Variants in KDM8 observed in about 807,000 individuals in gnomAD.
The protein encoded by KDM8 is bifunctional peptidase and arginyl-hydroxylase JMJD5.
Under a neutral mutation model 46.9 loss-of-function variants are expected in KDM8, and 35 were observed. The ratio of observed to expected loss-of-function variants is 0.75; its 90% confidence interval spans 0.57 to 0.99. KDM8 has a LOEUF of 0.99. KDM8 is among the 50% of genes least tolerant of loss of function. KDM8 has a pLI of 0.00. For missense variants in KDM8, 475 were observed against 537.0 expected (o/e 0.88, Z 1.14); for synonymous variants, 232 against 227.7 (o/e 1.02, Z -0.17).
Position 27,208,698 on chromosome 16 carries a change from G to T in KDM8, c.-31-1395G>T, listed in dbSNP as rs1197097311. Among the ~76,000 whole-genome samples the T allele has an allele frequency of 2.0e-5, 3 of 152,200 alleles. No individual in the cohort carries two copies. The East Asian group carries it at 5.8e-4, about 29-fold the overall frequency. ...AAGCCACACACGGGATGAGCCAGGA[G>T]GCCACCCAGGGAGGCCAGGGATGGG... On this transcript the variant is annotated intron_variant, in intron 1 of 7. Coordinates refer to ENST00000286096, the MANE Select transcript of KDM8 (RefSeq NM_024773.3).
intron 2 of KDM8, chr16:27,211,069 G>A (rs142095780): frequency 0.012 from 5,450 of 448,630 alleles, 58 homozygotes; most frequent in Middle Eastern, 0.018. Flanking sequence ...GTGAGCCACC[G>A]TGCTCAGCCC....
intron 6 of KDM8, among the ~76,000 whole-genome samples, chr16:27,219,741 A>G (rs1310125145): frequency 6.6e-6 from 1 of 152,212 alleles, no homozygotes; most frequent in East Asian, 1.9e-4. Context: ...TGGGCAGCTC[A>G]TTTAATCTCT....
chr16:27,205,992 T>G (rs2083424952), intron 1 of KDM8, among the ~76,000 whole-genome samples: 1 of 152,242 alleles, frequency 6.6e-6, no homozygotes, highest in Non-Finnish European at 1.5e-5. Context: ...GGTGTCAGTT[T>G]GCCTAGAATA....
intron 5 of KDM8, among the ~76,000 whole-genome samples, chr16:27,216,904 C>T (rs1317724573): frequency 6.6e-6 from 1 of 152,148 alleles, no homozygotes; most frequent in Admixed American, 6.5e-5. Flanking sequence ...GCTGGGGACC[C>T]TGGAAGCCAT....
At chr16:27,214,805 T>G (rs2083529268) in intron 3 of KDM8, 71 bp from the exon 4 acceptor site, 2 of 1,557,400 alleles carry the variant, frequency 1.3e-6, no homozygotes. Flanking sequence ...GGGGACCACA[T>G]GCAAAGCACA....
intron 5 of KDM8, among the ~76,000 whole-genome samples, chr16:27,217,359 G>A (rs553872081): frequency 2.2e-4 from 33 of 152,222 alleles, no homozygotes; most frequent in Non-Finnish European, 3.8e-4. Context: ...CTGCATCCTC[G>A]GCCAGTGATT....
chr16:27,217,627 G>A (rs975450121), intron 5 of KDM8, among the ~76,000 whole-genome samples: 1 of 152,228 alleles, frequency 6.6e-6, no homozygotes, highest in African/African-American at 2.4e-5. Context: ...CTGAATAGCA[G>A]TGTCTGGGAC....
At chr16:27,213,786 C>T (rs367993556) in intron 3 of KDM8, 35 bp downstream of exon 3, 1 of 1,606,288 alleles carries the variant, frequency 6.2e-7, no homozygotes. Flanking sequence ...GGTCCCTTTT[C>T]CCATTTTAGC....
Position 27,213,664 on chromosome 16 carries a change from A to G in KDM8, c.578A>G (p.Gln193Arg). 6.2e-7 allele frequency: 1 copy of G among 1,614,218 alleles called. No homozygotes were observed. Among genetic ancestry groups the G allele is most frequent in the Non-Finnish European group, 8.5e-7 (1 of 1,180,034 alleles). The change falls in exon 3 of 8, where the codon CAG (glutamine) becomes CGG (arginine). Residue 193 changes from glutamine (Q) to arginine (R), a missense_variant. Gln to Arg is a conservative substitution (Grantham distance 43). Transcript: ENST00000286096. ...TVPRLHRPSLQHFREQFLVPG... is the reference protein window; with the variant it reads ...TVPRLHRPSLRHFREQFLVPG... ...CCCCGGCTGCACCGTCCGTCCCTCCAGCATTTCAGGGAGCAGTTTTTGGTT... is the reference window on the plus strand; with the variant it reads ...CCCCGGCTGCACCGTCCGTCCCTCCGGCATTTCAGGGAGCAGTTTTTGGTT...
At chr16:27,212,963 T>C (rs528019764) in intron 2 of KDM8, among the ~76,000 whole-genome samples, 60 of 152,342 alleles carry the variant, frequency 3.9e-4, no homozygotes, top group Middle Eastern at 3.4e-3. Flanking sequence ...GTGCTGGGAT[T>C]ACAGGTATGA....
rs1308028184 is a variant in KDM8, at chr16:27,220,912, C to T, written c.*182C>T. ...TGGACAGGCACAGAGCAGGGGCTGC[C>T]CAGGAAGGAGCACACTCCAGGCCAG... On this transcript the variant is annotated 3_prime_UTR_variant, in exon 8 of 8. Coordinates refer to ENST00000286096, the MANE Select transcript of KDM8 (RefSeq NM_024773.3). The T allele has an allele frequency of 6.7e-6, 5 of 741,564 alleles. No homozygotes were observed. In the Admixed American group the frequency reaches 8.2e-5, roughly 12 times the overall value. 45.9% of individuals were successfully genotyped at this position (741,564 alleles called of 1,614,324 possible).
rs924873909 is a variant in KDM8, at chr16:27,215,134, G to A, written c.798+126G>A. The A allele has an allele frequency of 6.7e-5, 75 of 1,111,332 alleles. No individual in the cohort carries two copies. In the Middle Eastern group the frequency reaches 1.0e-3, roughly 15 times the overall value. The allele number at this position is 1,111,332 out of a possible 1,614,324, so 68.8% of individuals were successfully genotyped here. A position where few individuals can be genotyped will look rare whatever the true frequency, so the allele number is the denominator to read the frequency against. Reference sequence around the variant, plus strand: ...GAGCCAGGCTGTAAGTCTGTGGTCGGAGGGACGACCGCAGCGAGGAAGGCA... The same window carrying A: ...GAGCCAGGCTGTAAGTCTGTGGTCGAAGGGACGACCGCAGCGAGGAAGGCA... On this transcript the variant is annotated intron_variant, in intron 4 of 7. Transcript: ENST00000286096.
In KDM8 at chr16:27,215,024, T is replaced by C. The variant is rs2083533885; in HGVS notation, c.798+16T>C. The C allele has an allele frequency of 6.2e-7, 1 of 1,613,366 alleles. No homozygotes were observed. The highest frequency in any genetic ancestry group is 1.7e-5 in the Admixed American group (1 of 59,992). ...CGTGAATGAGGTACATCATGGGGAC[T>C]GCTTTCCCCTAGTACTTGCAAGGCA... On this transcript the variant is annotated intron_variant, in intron 4 of 7. Transcript: ENST00000286096.
intron 1 of KDM8, chr16:27,206,207 A>G: frequency 5.1e-6 from 5 of 983,382 alleles, no homozygotes; most frequent in Non-Finnish European, 6.0e-6. Context: ...CAAGTCACAC[A>G]TCTTATTCTT....
At position 27,203,851 on chromosome 16, in the gene KDM8, G is replaced by A. The variant is rs557937128; in HGVS notation, c.-32+215G>A. Reference sequence around the variant, plus strand: ...CGGCCTGCCCTGCGGGAGGATAAAGGGAAAGGTTCCGCGCGTGCGTATGCT... The same window carrying A: ...CGGCCTGCCCTGCGGGAGGATAAAGAGAAAGGTTCCGCGCGTGCGTATGCT... On this transcript the variant is annotated intron_variant, in intron 1 of 7. Transcript: ENST00000286096. 2.1e-5 allele frequency: 9 copies of A among 437,450 alleles called. No individual in the cohort carries two copies. The South Asian group carries it at 4.1e-4, about 20-fold the overall frequency. The allele number at this position is 437,450 out of a possible 1,614,324, so 27.1% of individuals were successfully genotyped here.
rs2083613920 is a variant in KDM8, at chr16:27,220,750, G to A, written c.*20G>A. ...TCGTAGCCAGGATAGGAGCTGAAAG[G>A]GCCTGACATGCAGACAGCATTCATC... On this transcript the variant is annotated 3_prime_UTR_variant, in exon 8 of 8. Transcript: ENST00000286096. The A allele has an allele frequency of 1.2e-6, 2 of 1,613,474 alleles. No homozygotes were observed. Among genetic ancestry groups the A allele is most frequent in the East Asian group, 2.2e-5 (1 of 44,892 alleles).
rs922848432 is a variant in KDM8, at chr16:27,210,585, T to C, written c.462T>C (p.Pro154=). ...AGACACACCTCCCTGGAAAGAGGCC[T>C]GCCCGTGGCTCCCTCCCAGAGCAAC... ...ILQTHLPGKR[P]ARGSLPEQPC... is the part of the protein sequence containing the mutation. The change falls in exon 2 of 8, where the codon CCT becomes CCC. Residue 154 remains proline, a synonymous_variant. Coordinates refer to ENST00000286096, the MANE Select transcript of KDM8 (RefSeq NM_024773.3). 9.9e-6 allele frequency: 15 copies of C among 1,516,110 alleles called. No individual in the cohort carries two copies. The highest frequency in any genetic ancestry group is 4.5e-5 in the Admixed American group (2 of 44,824). 93.9% of individuals were successfully genotyped at this position (1,516,110 alleles called of 1,614,324 possible).
At chr16:27,218,399 C>T (rs562900044) in intron 5 of KDM8, among the ~76,000 whole-genome samples, 2 of 152,298 alleles carry the variant, frequency 1.3e-5, no homozygotes, top group South Asian at 4.1e-4. Flanking sequence ...CCATGGGGAG[C>T]CGCGCCACCC....
chr16:27,203,980 G>T, intron 1 of KDM8: 2 of 808,388 alleles, frequency 2.5e-6, no homozygotes, highest in Non-Finnish European at 3.8e-6. Flanking sequence ...GGCCTAGTGC[G>T]CCTGCGCGGG....
Sources: allele counts gnomAD v4.1 joint callset (sites outside exome capture counted in the v4.1 genomes callset), GRCh38; gene constraint gnomAD v4.1.1; transcripts MANE v1.5; gene names NCBI Gene and HGNC (gene_info 2026-07-23, HGNC 2026-07-21).